SRD5A2: variants seen among roughly 807,000 people sequenced by gnomAD.
The protein encoded by SRD5A2 is 3-oxo-5-alpha-steroid 4-dehydrogenase 2.
Under a neutral mutation model 27.4 loss-of-function variants are expected in SRD5A2, and 30 were observed. The observed-to-expected ratio is 1.10, with a 90% CI of 0.82 to 1.49. The LOEUF (loss-of-function observed/expected upper bound fraction) is 1.49, where lower values mean the gene tolerates loss of function less well. Ranked by LOEUF, SRD5A2 falls within the 40% of genes most tolerant of loss-of-function variation. SRD5A2 has a pLI of 0.00. For synonymous variants in SRD5A2, 141 were observed against 133.6 expected, an observed-to-expected ratio of 1.06 and a Z score of -0.38; for missense variants, 348 against 323.4, an observed-to-expected ratio of 1.08 and a Z score of -0.58.
At chr2:31,578,577 C>T (rs1367677833) in intron 1 of SRD5A2, among the ~76,000 whole-genome samples, 3 of 152,152 alleles carry the variant, frequency 2.0e-5, no homozygotes, top group African/African-American at 7.2e-5. Flanking sequence ...ATCACACACT[C>T]CAGTGGCTTC....
chr2:31,650,117 C>T, the SRD5A2 span, among the ~76,000 whole-genome samples: 992 of 152,154 alleles, frequency 6.5e-3, 16 homozygotes, highest in Middle Eastern at 0.048. Context: ...TTGAGAGGGT[C>T]CCCTAAATAG....
chr2:31,591,994 G>A, the SRD5A2 span, among the ~76,000 whole-genome samples: 1 of 148,244 alleles, frequency 6.7e-6, no homozygotes, highest in Admixed American at 6.8e-5. Flanking sequence ...GTTAAATGAC[G>A]AGTTAATGGG....
At chr2:31,549,022 A>T (rs1404914123) in intron 1 of SRD5A2, among the ~76,000 whole-genome samples, 1 of 151,462 alleles carries the variant, frequency 6.6e-6, no homozygotes, top group Non-Finnish European at 1.5e-5. Context: ...AGTTAAAAGT[A>T]GTCAAAAGCA....
the SRD5A2 span, among the ~76,000 whole-genome samples, chr2:31,636,307 A>T: frequency 6.6e-6 from 1 of 152,010 alleles, no homozygotes; most frequent in Non-Finnish European, 1.5e-5. Flanking sequence ...GTCATAAATG[A>T]GGTTGCATTC....
chr2:31,553,255 T>C (rs754435774), intron 1 of SRD5A2, among the ~76,000 whole-genome samples: 2 of 151,596 alleles, frequency 1.3e-5, no homozygotes, highest in African/African-American at 2.4e-5. Context: ...AATGAAAGAG[T>C]TAAGAAAGCC....
At chr2:31,662,697 T>A in the SRD5A2 span, among the ~76,000 whole-genome samples, 1 of 152,192 alleles carries the variant, frequency 6.6e-6, no homozygotes, top group African/African-American at 2.4e-5. Flanking sequence ...ATTTCTAAGA[T>A]GTGAGGCCTC....
intron 3 of SRD5A2, among the ~76,000 whole-genome samples, chr2:31,529,733 C>G (rs1665864135): frequency 6.6e-6 from 1 of 152,142 alleles, no homozygotes. Context: ...GGACCACTAG[C>G]TTTGGGTAGG....
At chr2:31,632,569 C>T in the SRD5A2 span, among the ~76,000 whole-genome samples, 2 of 152,114 alleles carry the variant, frequency 1.3e-5, no homozygotes, top group Non-Finnish European at 2.9e-5. Context: ...TATGCTTGAG[C>T]GTTGGGGGCC....
intron 1 of SRD5A2, among the ~76,000 whole-genome samples, chr2:31,561,646 G>A (rs1353098946): frequency 1.3e-5 from 2 of 152,048 alleles, no homozygotes; most frequent in African/African-American, 4.8e-5. Context: ...CTTTCTTCCT[G>A]CCTCTACATT....
At chr2:31,635,061 G>T in the SRD5A2 span, among the ~76,000 whole-genome samples, 1 of 152,162 alleles carries the variant, frequency 6.6e-6, no homozygotes, top group Non-Finnish European at 1.5e-5. Context: ...TACTGGAATT[G>T]CTGGATTATA....
chr2:31,530,644 A>C (rs1369628808), intron 3 of SRD5A2, among the ~76,000 whole-genome samples: 1 of 152,202 alleles, frequency 6.6e-6, no homozygotes, highest in Non-Finnish European at 1.5e-5. Flanking sequence ...GTCATAATTG[A>C]GGAAATTTTT....
intron 1 of SRD5A2, among the ~76,000 whole-genome samples, chr2:31,541,311 C>G (rs1191235174): frequency 6.6e-6 from 1 of 150,864 alleles, no homozygotes; most frequent in Non-Finnish European, 1.5e-5. Flanking sequence ...CCAGAGTTAC[C>G]ACATCATTAA....
At chr2:31,546,684 G>A (rs577666579) in intron 1 of SRD5A2, among the ~76,000 whole-genome samples, 15 of 152,278 alleles carry the variant, frequency 9.9e-5, no homozygotes, top group African/African-American at 3.4e-4. Context: ...CTACCAGTTG[G>A]CTACAATGCT....
chr2:31,632,011 A>C, the SRD5A2 span, among the ~76,000 whole-genome samples: 1 of 152,206 alleles, frequency 6.6e-6, no homozygotes, highest in Admixed American at 6.5e-5. Context: ...GGAGAGACTA[A>C]GGGAGGCATT....
intron 2 of SRD5A2, among the ~76,000 whole-genome samples, chr2:31,531,725 G>A (rs1665912321): frequency 2.0e-5 from 3 of 152,200 alleles, no homozygotes; most frequent in African/African-American, 4.8e-5. Flanking sequence ...GAAAAGAGAG[G>A]AGAGCAGGAG....
the SRD5A2 span, among the ~76,000 whole-genome samples, chr2:31,627,160 T>A: frequency 6.6e-6 from 1 of 152,162 alleles, no homozygotes; most frequent in South Asian, 2.1e-4. Flanking sequence ...GTATTTATAG[T>A]ATTATCTCAT....
At chr2:31,567,321 T>C (rs942281257) in intron 1 of SRD5A2, among the ~76,000 whole-genome samples, 1 of 152,152 alleles carries the variant, frequency 6.6e-6, no homozygotes, top group South Asian at 2.1e-4. Context: ...CAATTCTCAG[T>C]GACACAGGGC....
the SRD5A2 span, among the ~76,000 whole-genome samples, chr2:31,611,794 A>C: frequency 6.0e-4 from 92 of 152,184 alleles, no homozygotes; most frequent in Admixed American, 1.1e-3. Flanking sequence ...TAAGACCCAG[A>C]AATTTCACTA....
intron 2 of SRD5A2, among the ~76,000 whole-genome samples, chr2:31,532,361 T>TCA (rs35752905): frequency 0.11 from 15,809 of 143,692 alleles, 809 homozygotes; most frequent in Middle Eastern, 0.16. Flanking sequence ...CACTGCCAGT[T>TCA]CACACACACA....
Sources: allele counts gnomAD v4.1 joint callset (sites outside exome capture counted in the v4.1 genomes callset), GRCh38; gene constraint gnomAD v4.1.1; transcripts MANE v1.5; gene names NCBI Gene and HGNC (gene_info 2026-07-23, HGNC 2026-07-21).